ANKRD6: variants seen among roughly 807,000 people sequenced by gnomAD.
ANKRD6 encodes the protein ankyrin repeat domain 6.
A neutral mutation model predicts 82.3 loss-of-function variants in ANKRD6; 56 were observed. That is an observed-to-expected ratio of 0.68 (90% CI 0.55 to 0.85). The LOEUF (loss-of-function observed/expected upper bound fraction) is 0.85, where lower values mean the gene tolerates loss of function less well. Among genes scored for constraint, ANKRD6 ranks in the 40% least tolerant of loss-of-function variants. The probability of loss-of-function intolerance (pLI) is 0.00; values close to 1 mark genes in which losing one functional copy is unlikely to be tolerated. For synonymous variants in ANKRD6, 347 were observed against 352.1 expected (o/e 0.99, Z 0.16); for missense variants, 852 against 907.6 (o/e 0.94, Z 0.79).
chr6:89,603,037 G>T lies in ANKRD6; in HGVS notation c.228G>T (p.Gln76His). The T allele has an allele frequency of 6.2e-7, 1 of 1,604,146 alleles. No individual in the cohort carries two copies. The highest frequency in any genetic ancestry group is 8.5e-7 in the Non-Finnish European group (1 of 1,175,784). ...TTTGTGTCACTTTGCAGGGGGACCA[G>T]ACCGCCTTGCACCGGGCCACAGTGG... ...CDLDVQDDGDQTALHRATVVG... is the reference protein window; with the variant it reads ...CDLDVQDDGDHTALHRATVVG... The change falls in exon 4 of 16, where the codon CAG (glutamine) becomes CAT (histidine). Residue 76 changes from glutamine (Q) to histidine (H), a missense_variant. Transcript: ENST00000339746.
intron 5 of ANKRD6, among the ~76,000 whole-genome samples, chr6:89,611,018 AAGGGTTGAGAACC>A (rs1800112022): frequency 6.6e-6 from 1 of 152,068 alleles, no homozygotes; most frequent in South Asian, 2.1e-4. Context: ...ATGTGCACCC[AAGGGTTGAGAACC>A]AGCGAGCCTG....
chr6:89,591,096 CT>C (rs925368424), intron 2 of ANKRD6, among the ~76,000 whole-genome samples: 2 of 151,960 alleles, frequency 1.3e-5, no homozygotes, highest in African/African-American at 4.8e-5. Flanking sequence ...AAACTTCGTC[CT>C]TTTTTTCTTT....
Position 89,622,044 on chromosome 6 carries a change from C to T in ANKRD6, c.897+18C>T, listed in dbSNP as rs757955918. The T allele has an allele frequency of 1.7e-5, 28 of 1,607,226 alleles. No individual in the cohort carries two copies. Among genetic ancestry groups the T allele is most frequent in the South Asian group, 3.3e-5 (3 of 90,712 alleles). On this transcript the variant is annotated intron_variant, in intron 10 of 15. Transcript: ENST00000339746. ...AAAGCAAGGTGGGGGGCAGTCCTCC[C>T]GCCGTCCCCACATCCACCCATGCTC...
At chr6:89,616,272 C>A in intron 7 of ANKRD6, 1 of 403,928 alleles carries the variant, frequency 2.5e-6, no homozygotes. Context: ...CTTCAGGTCC[C>A]ACCATTCTCA....
intron 2 of ANKRD6, among the ~76,000 whole-genome samples, chr6:89,569,247 A>G (rs1429155708): frequency 6.6e-6 from 1 of 152,112 alleles, no homozygotes; most frequent in African/African-American, 2.4e-5. Flanking sequence ...AGTAGCTGTC[A>G]CTTCCCATTC....
chr6:89,609,861 C>T (rs1209397412), intron 5 of ANKRD6, among the ~76,000 whole-genome samples: 1 of 151,944 alleles, frequency 6.6e-6, no homozygotes, highest in Non-Finnish European at 1.5e-5. Flanking sequence ...CCACCCACCT[C>T]GGCCTCCCAA....
chr6:89,586,415 G>A (rs1429816602), intron 2 of ANKRD6, among the ~76,000 whole-genome samples: 8 of 152,160 alleles, frequency 5.3e-5, no homozygotes, highest in Admixed American at 1.3e-4. Flanking sequence ...CTGGCCAGGC[G>A]TAGTGGCTCA....
intron 1 of ANKRD6, among the ~76,000 whole-genome samples, chr6:89,499,914 C>T (rs1779078205): frequency 6.6e-6 from 1 of 152,082 alleles, no homozygotes. Context: ...GCACTGCAAA[C>T]CAAAGAGTAA....
chr6:89,564,803 C>G (rs943378346), intron 1 of ANKRD6, among the ~76,000 whole-genome samples: 5 of 151,732 alleles, frequency 3.3e-5, no homozygotes, highest in African/African-American at 9.7e-5. Flanking sequence ...AAGAAAGGTT[C>G]TAGAATGGAA....
intron 1 of ANKRD6, among the ~76,000 whole-genome samples, chr6:89,531,925 C>G (rs1479451977): frequency 6.6e-6 from 1 of 152,160 alleles, no homozygotes; most frequent in Admixed American, 6.5e-5. Context: ...GTCAATGGTG[C>G]GGTTTGAGTT....
chr6:89,530,604 G>T (rs1213075664), intron 1 of ANKRD6, among the ~76,000 whole-genome samples: 1 of 152,196 alleles, frequency 6.6e-6, no homozygotes, highest in Non-Finnish European at 1.5e-5. Context: ...ACCATCAATG[G>T]TGTTCATTTT....
At chr6:89,593,238 C>CTGT (rs2128145150) in intron 2 of ANKRD6, among the ~76,000 whole-genome samples, 1 of 152,326 alleles carries the variant, frequency 6.6e-6, no homozygotes, top group African/African-American at 2.4e-5. Flanking sequence ...GTGATGAACT[C>CTGT]CCCTGTGTTT....
At chr6:89,541,355 G>A (rs1243763957) in intron 1 of ANKRD6, among the ~76,000 whole-genome samples, 1 of 112,262 alleles carries the variant, frequency 8.9e-6, no homozygotes, top group African/African-American at 3.3e-5. Flanking sequence ...CTTTGGTTAA[G>A]TTTATTTCTA....
chr6:89,598,895 G>A (rs1796462660), intron 3 of ANKRD6, among the ~76,000 whole-genome samples: 1 of 152,146 alleles, frequency 6.6e-6, no homozygotes, highest in South Asian at 2.1e-4. Context: ...AGATGCATCT[G>A]ACCTTTTCTG....
At chr6:89,450,139 CCAG>C (rs1168009501) in intron 1 of ANKRD6, among the ~76,000 whole-genome samples, 1 of 151,978 alleles carries the variant, frequency 6.6e-6, no homozygotes, top group Non-Finnish European at 1.5e-5. Flanking sequence ...GAGATCCAGA[CCAG>C]CCTGGCCAGC....
chr6:89,586,373 C>T (rs939020507), intron 2 of ANKRD6, among the ~76,000 whole-genome samples: 1 of 152,186 alleles, frequency 6.6e-6, no homozygotes, highest in Admixed American at 6.5e-5. Flanking sequence ...CCGTGCTGTG[C>T]TCTGTCAGCG....
chr6:89,616,414 A>G (rs1010279025), intron 7 of ANKRD6, 145 bp from the exon 8 acceptor site: 13 of 669,822 alleles, frequency 1.9e-5, no homozygotes, highest in East Asian at 1.4e-4. Context: ...GTAGAGCCTC[A>G]TAACGCTTTA....
In ANKRD6 at chr6:89,545,242, G is replaced by A. The variant is rs528018264; in HGVS notation, c.-143-21592G>A. 3.7e-4 allele frequency among the ~76,000 whole-genome samples: 55 copies of A among 150,350 alleles called. No homozygotes were observed. The South Asian group carries it at 0.011, about 31-fold the overall frequency. On this transcript the variant is annotated intron_variant, in intron 1 of 15. Coordinates refer to ENST00000339746, the MANE Select transcript of ANKRD6 (RefSeq NM_001242809.2). ...AAAAAAAAAAAAAAGAAAAGAAAAA[G>A]GGCTGTTTCTACTGGCCCAGAAAGT...
intron 1 of ANKRD6, among the ~76,000 whole-genome samples, chr6:89,529,085 A>G (rs1782843003): frequency 6.6e-6 from 1 of 152,184 alleles, no homozygotes; most frequent in African/African-American, 2.4e-5. Flanking sequence ...AGCCCCTAAC[A>G]AGAGAGTCAC....
Sources: gnomAD v4.1 joint callset for allele counts (sites outside exome capture counted in the v4.1 genomes callset) on GRCh38, gnomAD v4.1.1 for gene constraint, MANE v1.5 for transcripts, NCBI Gene and HGNC (gene_info 2026-07-23, HGNC 2026-07-21) for gene names.